The following ZNF862 variants were observed in gnomAD, a reference collection of about 807,000 sequenced individuals.
ZNF862 encodes the protein zinc finger protein 862.
ZNF862 carries 64 observed loss-of-function variants against 91.1 expected under a neutral mutation model. That is an observed-to-expected ratio of 0.70 (90% CI 0.57 to 0.87). The LOEUF (loss-of-function observed/expected upper bound fraction) is 0.87, where lower values mean the gene tolerates loss of function less well. Ranked by LOEUF, ZNF862 falls within the 40% of genes least tolerant of loss-of-function variation. The probability of loss-of-function intolerance (pLI) is 0.00; values close to 1 mark genes in which losing one functional copy is unlikely to be tolerated. For missense variants in ZNF862, 1,459 were observed against 1,528.0 expected, an observed-to-expected ratio of 0.95 and a Z score of 0.75; for synonymous variants, 631 against 618.1, an observed-to-expected ratio of 1.02 and a Z score of -0.31.
intron 1 of ZNF862, chr7:149,840,707 G>C (rs1204916729): frequency 6.6e-6 from 1 of 150,720 alleles, no homozygotes; most frequent in Non-Finnish European, 1.5e-5. Flanking sequence ...TACTTACCAT[G>C]TGTTACAGTG....
chr7:149,846,310 C>G (rs1266342421), intron 3 of ZNF862, 55 bp downstream of exon 3: 55 of 1,395,796 alleles, frequency 3.9e-5, no homozygotes. Flanking sequence ...GGAGCATGGG[C>G]AGCCCCAGGA....
rs370100617 is a variant in ZNF862, at chr7:149,862,527, G to T, written c.3334+33G>T. 1.9e-6 allele frequency: 3 copies of T among 1,538,854 alleles called. No individual in the cohort carries two copies. In the African/African-American group the frequency reaches 4.1e-5, roughly 21 times the overall value. On this transcript the variant is annotated intron_variant, in intron 7 of 7. Coordinates refer to ENST00000223210, the MANE Select transcript of ZNF862 (RefSeq NM_001099220.3). The stretch of plus-strand genomic sequence containing the variant: ...CACGTGGCAGAGCTCCCCCAAGGCA[G>T]CCTCATGCTGAGCCAGAGGCCAATA...
At chr7:149,838,729 A>C (rs1801604624) in intron 1 of ZNF862, 94 bp downstream of exon 1, 1 of 820,570 alleles carries the variant, frequency 1.2e-6, no homozygotes, top group Admixed American at 4.3e-5. Flanking sequence ...GAGGCCCCGC[A>C]GATGAGCCAG....
chr7:149,843,652 A>G (rs942346742), intron 1 of ZNF862, among the ~76,000 whole-genome samples: 1 of 152,036 alleles, frequency 6.6e-6, no homozygotes, highest in Admixed American at 6.6e-5. Flanking sequence ...GCTGACATTT[A>G]GTGGTGGAAG....
chr7:149,840,992 C>T, intron 1 of ZNF862: 2 of 985,386 alleles, frequency 2.0e-6, no homozygotes, highest in Non-Finnish European at 2.4e-6. Flanking sequence ...ACCTCAGAGA[C>T]TGGAAATTTC....
At chr7:149,853,435 C>G (rs1305199342) in intron 5 of ZNF862, among the ~76,000 whole-genome samples, 1 of 152,190 alleles carries the variant, frequency 6.6e-6, no homozygotes, top group Non-Finnish European at 1.5e-5. Flanking sequence ...AAATTCCCCT[C>G]CATTTCATTT....
chr7:149,852,403 C>CT (rs1802098925), intron 5 of ZNF862, among the ~76,000 whole-genome samples: 1 of 151,560 alleles, frequency 6.6e-6, no homozygotes, highest in African/African-American at 2.4e-5. Context: ...GGCTGTCACT[C>CT]TGTCACCCAG....
intron 3 of ZNF862, among the ~76,000 whole-genome samples, chr7:149,847,091 G>A (rs1801897371): frequency 6.6e-6 from 1 of 152,210 alleles, no homozygotes; most frequent in Admixed American, 6.5e-5. Context: ...TTTCATCTAA[G>A]TGAATAAAGA....
At chr7:149,840,187 T>TAAAAAAAAAAAAAAAAAAAAA (rs60721842) in intron 1 of ZNF862, among the ~76,000 whole-genome samples, 10 of 41,248 alleles carry the variant, frequency 2.4e-4, no homozygotes, top group Admixed American at 1.3e-3. Context: ...GCTTAAAAAG[T>TAAAAAAAAAAAAAAAAAAAAA]AAAAAAAAAA....
chr7:149,867,297 A>G lies in ZNF862; in HGVS notation c.*3013A>G, dbSNP rs1357188892. ...AGGATGAGTTTCTAGGGTGCTAAGT[A>G]CCTATCAGAACAGTGTGGAGGGGCG... is the stretch of plus-strand genomic sequence containing the variant. On this transcript the variant is annotated 3_prime_UTR_variant, in exon 8 of 8. Coordinates refer to ENST00000223210, the MANE Select transcript of ZNF862 (RefSeq NM_001099220.3). 1 of 152,148 alleles carries G rather than the reference A, an allele frequency of 6.6e-6. No individual in the cohort carries two copies. The highest frequency in any genetic ancestry group is 1.5e-5 in the Non-Finnish European group (1 of 68,066). 9.4% of individuals were successfully genotyped at this position (152,148 alleles called of 1,614,324 possible). A position where few individuals can be genotyped will look rare whatever the true frequency, so the allele number is the denominator to read the frequency against.
At chr7:149,843,976 TCTC>T (rs966860569) in intron 1 of ZNF862, among the ~76,000 whole-genome samples, 2 of 152,184 alleles carry the variant, frequency 1.3e-5, no homozygotes, top group East Asian at 3.9e-4. Flanking sequence ...ATTGCTGTCA[TCTC>T]CTTGTTGCGC....
At chr7:149,860,172 A>G in intron 6 of ZNF862, 2 of 574,636 alleles carry the variant, frequency 3.5e-6, no homozygotes, top group South Asian at 2.4e-5. Context: ...ACCCACAAGG[A>G]TTAGCAACAA....
chr7:149,864,383 G>A lies in ZNF862; in HGVS notation c.*99G>A, dbSNP rs1293963274. 5 of 1,304,620 alleles carry A rather than the reference G, an allele frequency of 3.8e-6. No individual in the cohort carries two copies. Among genetic ancestry groups the A allele is most frequent in the African/African-American group, 3.0e-5 (2 of 67,470 alleles). 80.8% of individuals were successfully genotyped at this position (1,304,620 alleles called of 1,614,324 possible). ...TGCCCTAGGATCTTCTGCTGGTGGC[G>A]ATGGTCTCTAAGCACCAGGAAGTGG... On this transcript the variant is annotated 3_prime_UTR_variant, in exon 8 of 8. Coordinates refer to ENST00000223210, the MANE Select transcript of ZNF862 (RefSeq NM_001099220.3).
In ZNF862 at chr7:149,865,100, C is replaced by T. The variant is rs1440425734; in HGVS notation, c.*816C>T. The T allele has an allele frequency of 2.6e-5, 4 of 152,242 alleles. No individual in the cohort carries two copies. The highest frequency in any genetic ancestry group is 7.2e-5 in the African/African-American group (3 of 41,430). The allele number at this position is 152,242 out of a possible 1,614,324, so 9.4% of individuals were successfully genotyped here. ...CTGATTAATCCCTTCCTCTTTGTGC[C>T]TCAGTTTCCCTCTCCATGAAGTGGC... On this transcript the variant is annotated 3_prime_UTR_variant, in exon 8 of 8. Coordinates refer to ENST00000223210, the MANE Select transcript of ZNF862 (RefSeq NM_001099220.3).
intron 4 of ZNF862, 132 bp downstream of exon 4, chr7:149,848,564 A>G: frequency 7.0e-6 from 5 of 713,200 alleles, no homozygotes; most frequent in African/African-American, 1.8e-5. Context: ...GTTGGCATAT[A>G]CCAACATGCT....
chr7:149,849,652 TC>T, intron 4 of ZNF862, among the ~76,000 whole-genome samples: 1 of 152,354 alleles, frequency 6.6e-6, no homozygotes, highest in East Asian at 1.9e-4. Flanking sequence ...CTTTTCCTGT[TC>T]CTGATATTTT....
At chr7:149,849,937 A>G (rs910803654) in intron 4 of ZNF862, among the ~76,000 whole-genome samples, 1 of 152,204 alleles carries the variant, frequency 6.6e-6, no homozygotes, top group African/African-American at 2.4e-5. Context: ...ATTTCCGCCC[A>G]GGAGATCCTA....
chr7:149,852,276 C>T (rs1802089619), intron 5 of ZNF862: 1 of 150,054 alleles, frequency 6.7e-6, no homozygotes, highest in African/African-American at 2.5e-5. Context: ...GAGTTGAAAA[C>T]CAAATATTAT....
rs372375096 is a variant in ZNF862 at position 149,860,511 on chromosome 7, G to C, written c.1351G>C (p.Asp451His). ...CCSSSICEEGDGPRRIKRTYR... is the reference protein window; with the variant it reads ...CCSSSICEEGHGPRRIKRTYR... ...CAGTTCCAGCATTTGTGAGGAAGGA[G>C]ATGGACCTAGGAGAATCAAGAGGAC... The change falls in exon 7 of 8, where the codon GAT becomes CAT. Residue 451 changes from aspartate to histidine, a missense_variant. By Grantham distance (81) the Asp-to-His change is moderately conservative (BLOSUM62 -1). Coordinates refer to ENST00000223210, the MANE Select transcript of ZNF862 (RefSeq NM_001099220.3). 6.2e-7 allele frequency: 1 copy of C among 1,613,892 alleles called. No individual in the cohort carries two copies. The highest frequency in any genetic ancestry group is 8.5e-7 in the Non-Finnish European group (1 of 1,179,906).
Sources: gnomAD v4.1 joint callset for allele counts (sites outside exome capture counted in the v4.1 genomes callset) on GRCh38, gnomAD v4.1.1 for gene constraint, MANE v1.5 for transcripts, NCBI Gene and HGNC (gene_info 2026-07-23, HGNC 2026-07-21) for gene names.